The following FAM53A variants were observed in gnomAD, a reference collection of about 807,000 sequenced individuals.
The protein encoded by FAM53A is protein FAM53A.
FAM53A carries 28 observed loss-of-function variants against 26.6 expected under a neutral mutation model. The ratio of observed to expected loss-of-function variants is 1.05; its 90% CI spans 0.78 to 1.45. The LOEUF is 1.45. Ranked by LOEUF, FAM53A falls within the 40% of genes most tolerant of loss-of-function variation. The pLI is 0.00. For synonymous variants in FAM53A, 290 were observed against 253.1 expected (o/e 1.15, Z -1.38); for missense variants, 650 against 575.8 (o/e 1.13, Z -1.32).
At chr4:1,679,809 G>A (rs949027032) in intron 1 of FAM53A, among the ~76,000 whole-genome samples, 1 of 151,810 alleles carries the variant, frequency 6.6e-6, no homozygotes, top group Non-Finnish European at 1.5e-5. Flanking sequence ...AGCACTTTGG[G>A]AGACCGAGGC....
At chr4:1,596,713 G>A in the FAM53A span, among the ~76,000 whole-genome samples, 1 of 152,218 alleles carries the variant, frequency 6.6e-6, no homozygotes, top group Non-Finnish European at 1.5e-5. Flanking sequence ...CGGTACATGC[G>A]GGTTGCTTCC....
At position 1,621,551 on chromosome 4, in the gene FAM53A, G is replaced by T. The variant is rs369187570; in HGVS notation, c.432-3440C>A. On this transcript the variant is annotated intron_variant, in intron 1 of 1. Transcript: ENST00000489029. ...AGCAGCTTGGGGTGGGGGACAGTGG[G>T]GTGGATCTGCCGCCACCCAGCCTCC... Among the ~76,000 whole-genome samples the T allele has an allele frequency of 3.3e-5, 5 of 152,216 alleles. No individual in the cohort carries two copies. The East Asian group carries it at 7.7e-4, about 24-fold the overall frequency.
At chr4:1,577,433 G>C in the FAM53A span, among the ~76,000 whole-genome samples, 1 of 151,946 alleles carries the variant, frequency 6.6e-6, no homozygotes, top group Non-Finnish European at 1.5e-5. Flanking sequence ...GTGCGGGGTG[G>C]TAGGGGGGCT....
the FAM53A span, chr4:1,574,470 G>A: frequency 1.3e-5 from 2 of 152,626 alleles, no homozygotes; most frequent in East Asian, 3.9e-4. Flanking sequence ...TGTGTGTGGG[G>A]AGAGTCAGTG....
At chr4:1,652,005 A>G (rs1418321714) in intron 4 of FAM53A, among the ~76,000 whole-genome samples, 1 of 128,790 alleles carries the variant, frequency 7.8e-6, no homozygotes, top group African/African-American at 2.8e-5. Flanking sequence ...CACACACACC[A>G]CACACGTCAC....
intron 4 of FAM53A, among the ~76,000 whole-genome samples, chr4:1,643,567 A>T (rs892773115): frequency 1.8e-4 from 25 of 140,632 alleles, no homozygotes; most frequent in Non-Finnish European, 3.4e-4. Flanking sequence ...CTAAAGAATA[A>T]TTTTTTTTTT....
chr4:1,638,272 G>A (rs111847990), downstream of FAM53A, among the ~76,000 whole-genome samples: 521 of 152,152 alleles, frequency 3.4e-3, 6 homozygotes, highest in African/African-American at 0.012. Context: ...CCCAGGGGCC[G>A]GGCTGTGAGC....
chr4:1,648,166 A>G (rs149061692), intron 4 of FAM53A, among the ~76,000 whole-genome samples: 10 of 152,272 alleles, frequency 6.6e-5, no homozygotes, highest in Non-Finnish European at 1.3e-4. Context: ...CTGTGATTAT[A>G]CCACTACACT....
In FAM53A at chr4:1,640,714, C is replaced by T. The variant is rs1473685707; in HGVS notation, c.*579G>A. The T allele has an allele frequency of 1.4e-4, 50 of 356,138 alleles. No homozygotes were observed. The highest frequency in any genetic ancestry group is 8.8e-4 in the Middle Eastern group (1 of 1,142). 22.1% of individuals were successfully genotyped at this position (356,138 alleles called of 1,614,324 possible). Reference sequence around the variant, plus strand: ...GCCCCAGGGCAGTGCAGGCGGCAGCCGTGGCCCCGACCAACTCACAGGAAA... The same window carrying T: ...GCCCCAGGGCAGTGCAGGCGGCAGCTGTGGCCCCGACCAACTCACAGGAAA... On this transcript the variant is annotated 3_prime_UTR_variant, in exon 5 of 5. Coordinates refer to ENST00000308132, the MANE Select transcript of FAM53A (RefSeq NM_001174070.3).
chr4:1,656,016 C>T (rs1450956543), intron 3 of FAM53A, among the ~76,000 whole-genome samples: 2 of 152,194 alleles, frequency 1.3e-5, no homozygotes, highest in African/African-American at 4.8e-5. Context: ...TCTGCTCTCC[C>T]GACAGCTTTG....
rs543513723 is a variant in FAM53A, at chr4:1,659,022, G to A, written c.76-1554C>T. Reference sequence around the variant, plus strand: ...GTCCTATGATAACATTTCCAAACACGATAAAATTAAAAGGAAATCCTTCAC... The same window carrying A: ...GTCCTATGATAACATTTCCAAACACAATAAAATTAAAAGGAAATCCTTCAC... On this transcript the variant is annotated intron_variant, in intron 2 of 4. Transcript: ENST00000308132. The surrounding 1 kb of genome is among the most constrained non-coding windows in gnomAD (Gnocchi z 5.2). Among the ~76,000 whole-genome samples the A allele has an allele frequency of 2.6e-5, 4 of 152,362 alleles. No individual in the cohort carries two copies. The South Asian group carries it at 6.2e-4, about 24-fold the overall frequency.
Position 1,655,466 on chromosome 4 carries a change from G to T in FAM53A, c.394C>A (p.Arg132Ser). The T allele has an allele frequency of 1.3e-6, 2 of 1,564,202 alleles. No homozygotes were observed. The highest frequency in any genetic ancestry group is 1.7e-6 in the Non-Finnish European group (2 of 1,153,322). The change falls in exon 4 of 5, where the codon CGC (arginine) becomes AGC (serine). Residue 132 changes from arginine to serine, a missense_variant. Arg to Ser is a moderately radical substitution (Grantham distance 110). Transcript: ENST00000308132. ...CCGGGGCGCCAGGGGGACCGGCAGC[G>T]CACAAGCTCCTCGGGTTCTGACAAG... ...RSLSEPEELVRCRSPWRPGSS... is the reference protein window; with the variant it reads ...RSLSEPEELVSCRSPWRPGSS...
chr4:1,653,727 C>A (rs1330494287), intron 4 of FAM53A, among the ~76,000 whole-genome samples: 2 of 152,248 alleles, frequency 1.3e-5, no homozygotes, highest in African/African-American at 4.8e-5. Flanking sequence ...CCGGAAGAAT[C>A]AACTGGAGAG....
At chr4:1,613,868 T>C (rs1331588565), downstream of FAM53A, among the ~76,000 whole-genome samples, 2 of 152,220 alleles carry the variant, frequency 1.3e-5, no homozygotes, top group Admixed American at 1.3e-4. Context: ...GATCATTATA[T>C]GGAGAACAGT....
intron 4 of FAM53A, among the ~76,000 whole-genome samples, chr4:1,649,124 G>C (rs1001677345): frequency 3.4e-5 from 5 of 146,594 alleles, no homozygotes; most frequent in Admixed American, 1.4e-4. Context: ...AAAGGGAAGA[G>C]GAAGGGGAAG....
downstream of FAM53A, among the ~76,000 whole-genome samples, chr4:1,639,585 A>G (rs1185475130): frequency 6.6e-6 from 1 of 152,228 alleles, no homozygotes; most frequent in East Asian, 1.9e-4. Context: ...CACTGCCCCA[A>G]CGGAGGAGGG....
At chr4:1,653,022 A>G (rs1482822452) in intron 4 of FAM53A, among the ~76,000 whole-genome samples, 1 of 150,896 alleles carries the variant, frequency 6.6e-6, no homozygotes, top group Non-Finnish European at 1.5e-5. Flanking sequence ...CACACCACAC[A>G]CACTACACAC....
At chr4:1,660,769 G>A (rs1327411502) in intron 2 of FAM53A, among the ~76,000 whole-genome samples, 1 of 151,728 alleles carries the variant, frequency 6.6e-6, no homozygotes, top group South Asian at 2.1e-4. Flanking sequence ...AGTGCCTGTA[G>A]TCCCAGCTAC....
the FAM53A span, among the ~76,000 whole-genome samples, chr4:1,575,292 C>A: frequency 5.9e-5 from 9 of 152,228 alleles, no homozygotes; most frequent in South Asian, 2.1e-4. Context: ...TCCACCACAC[C>A]CCAAGTCTCT....
Sources: gnomAD v4.1 joint callset for allele counts (sites outside exome capture counted in the v4.1 genomes callset) on GRCh38, gnomAD v4.1.1 for gene constraint, Gnocchi (gnomAD v3.1) non-coding constraint, MANE v1.5 for transcripts, NCBI Gene and HGNC (gene_info 2026-07-23, HGNC 2026-07-21) for gene names.